PNPLA6: variants seen among roughly 807,000 people sequenced by gnomAD.
The protein encoded by PNPLA6 is patatin-like phospholipase domain-containing protein 6.
PNPLA6 carries 105 observed loss-of-function variants against 153.7 expected under a neutral mutation model. That is an observed-to-expected ratio of 0.68 (90% CI 0.58 to 0.80). The LOEUF is 0.80. Ranked by LOEUF, PNPLA6 falls within the 30% of genes least tolerant of loss-of-function variation. The pLI is 0.00. For synonymous variants in PNPLA6, 825 were observed against 822.2 expected (o/e 1.00, Z -0.06); for missense variants, 1,423 against 1,919.3 (o/e 0.74, Z 4.83).
chr19:7,554,371 C>A, intron 20 of PNPLA6, 99 bp downstream of exon 20: 2 of 1,303,270 alleles, frequency 1.5e-6, no homozygotes, highest in Non-Finnish European at 2.2e-6. Context: ...AACCACGGAG[C>A]CTGCGTCTTA....
At chr19:7,554,126 C>T (rs900366960) in intron 19 of PNPLA6, 83 bp from the exon 20 acceptor site, 209 of 1,563,276 alleles carry the variant, frequency 1.3e-4, no homozygotes, top group Non-Finnish European at 1.8e-4. Flanking sequence ...GCCACAGGGG[C>T]GGGGTAATGG....
intron 13 of PNPLA6, among the ~76,000 whole-genome samples, chr19:7,548,691 T>G (rs1441703728): frequency 7.1e-6 from 1 of 140,850 alleles, no homozygotes; most frequent in African/African-American, 2.6e-5. Context: ...GGTTGAATCC[T>G]GGGTATATGG....
chr19:7,537,132 G>T (rs963876540), intron 3 of PNPLA6, among the ~76,000 whole-genome samples: 2 of 152,036 alleles, frequency 1.3e-5, no homozygotes, highest in Non-Finnish European at 2.9e-5. Context: ...TATCTCAGAG[G>T]TCTTGCCATA....
chr19:7,542,271 A>T (rs999911774), intron 10 of PNPLA6, among the ~76,000 whole-genome samples: 9 of 152,200 alleles, frequency 5.9e-5, no homozygotes, highest in Non-Finnish European at 1.2e-4. Context: ...GGCGTTGATT[A>T]GTCATGTCTG....
chr19:7,542,547 C>T lies in PNPLA6; in HGVS notation c.1253-14C>T, dbSNP rs753882799. 2 of 1,601,164 alleles carry T rather than the reference C, an allele frequency of 1.2e-6. No homozygotes were observed. Among genetic ancestry groups the T allele is most frequent in the South Asian group, 2.2e-5 (2 of 90,854 alleles). ...CATCTTTATGGTTTTTGTTGCCCCC[C>T]TGCCTGCCTGCAGGCTTGCAGGGTG... On this transcript the variant is annotated splice_polypyrimidine_tract_variant and intron_variant, in intron 10 of 31. Transcript: ENST00000600737.
chr19:7,553,193 G>T (rs2023730240), intron 18 of PNPLA6, among the ~76,000 whole-genome samples: 1 of 150,548 alleles, frequency 6.6e-6, no homozygotes, highest in African/African-American at 2.4e-5. Flanking sequence ...GCTGTTAGTG[G>T]AGAAACTGGG....
intron 13 of PNPLA6, 47 bp from the exon 14 acceptor site, chr19:7,549,860 T>C: frequency 1.9e-6 from 3 of 1,571,130 alleles, no homozygotes; most frequent in Non-Finnish European, 2.6e-6. Context: ...TGAGCTGGGG[T>C]CCACGCTGTC....
chr19:7,556,666 G>A lies in PNPLA6; in HGVS notation c.3222G>A (p.Leu1074=). 6.2e-7 allele frequency: 1 copy of A among 1,613,532 alleles called. No individual in the cohort carries two copies. The highest frequency in any genetic ancestry group is 8.5e-7 in the Non-Finnish European group (1 of 1,179,606). ...CCCTGTCCCCGCAGGACCTGTGGCT[G>A]CCTTACTTCAACGTGACCACAGATA... ...FQDKQIEDLW[L]PYFNVTTDIT... Residue 1074 remains leucine (L), a synonymous_variant, in exon 26 of 32, where the codon CTG becomes CTA. Coordinates refer to ENST00000600737, the MANE Select transcript of PNPLA6 (RefSeq NM_001166114.2).
rs1301687230 is a variant in PNPLA6 at position 7,550,115 on chromosome 19, A to G, written c.1814+3A>G. On this transcript the variant is annotated splice_donor_region_variant and intron_variant, in intron 14 of 31. Transcript: ENST00000600737. ...ATCTCCAAGTCCGACTTCTATGAGTATGACAGCCCGAAGTTGGAGTGTGGG... is the reference window on the plus strand; with the variant it reads ...ATCTCCAAGTCCGACTTCTATGAGTGTGACAGCCCGAAGTTGGAGTGTGGG... 1 of 1,613,854 alleles carries G rather than the reference A, an allele frequency of 6.2e-7. No homozygotes were observed. The highest frequency in any genetic ancestry group is 2.2e-5 in the East Asian group (1 of 44,900).
intron 13 of PNPLA6, 90 bp downstream of exon 13, chr19:7,543,174 A>T: frequency 9.1e-7 from 1 of 1,103,176 alleles, no homozygotes; most frequent in Non-Finnish European, 1.4e-6. Flanking sequence ...TGACTGTAAG[A>T]CCAGCACCTT....
chr19:7,540,420 G>A lies in PNPLA6; in HGVS notation c.714+112G>A. On this transcript the variant is annotated intron_variant, in intron 5 of 31. Coordinates refer to ENST00000600737, the MANE Select transcript of PNPLA6 (RefSeq NM_001166114.2). The surrounding 1 kb of genome is among the most constrained non-coding windows in gnomAD (Gnocchi z 6.8). ...GGAGATGCGTCATCGGGAGTCAGGG[G>A]AACGGGTGACCGAGGACATTTGGGG... 1 of 1,273,400 alleles carries A rather than the reference G, an allele frequency of 7.9e-7. No individual in the cohort carries two copies. The allele number at this position is 1,273,400 out of a possible 1,614,324, so 78.9% of individuals were successfully genotyped here. A position where few individuals can be genotyped will look rare whatever the true frequency, so the allele number is the denominator to read the frequency against.
chr19:7,555,130 G>C lies in PNPLA6; in HGVS notation c.2817+55G>C, dbSNP rs1007230890. On this transcript the variant is annotated intron_variant, in intron 22 of 31. Coordinates refer to ENST00000600737, the MANE Select transcript of PNPLA6 (RefSeq NM_001166114.2). This position sits in a 1 kb window ranked among gnomAD's most constrained non-coding sequence, Gnocchi z 6.3. ...GGGGCGTGGCTGGTGGGCGAGGCTTGGGAGACTGGGGCGGGGCCTGGGAGG... is the reference window on the plus strand; with the variant it reads ...GGGGCGTGGCTGGTGGGCGAGGCTTCGGAGACTGGGGCGGGGCCTGGGAGG... 14 of 1,563,896 alleles carry C rather than the reference G, an allele frequency of 9.0e-6. No individual in the cohort carries two copies. The highest frequency in any genetic ancestry group is 7.8e-6 in the Non-Finnish European group (9 of 1,160,010).
Position 7,555,664 on chromosome 19 carries a change from C to T in PNPLA6, c.2994C>T (p.Asp998=). 6.2e-7 allele frequency: 1 copy of T among 1,613,306 alleles called. No homozygotes were observed. The highest frequency in any genetic ancestry group is 8.5e-7 in the Non-Finnish European group (1 of 1,179,838). Residue 998 remains aspartate, a synonymous_variant, in exon 24 of 32, where the codon GAC becomes GAT. Transcript: ENST00000600737. This position sits in a 1 kb window ranked among gnomAD's most constrained non-coding sequence, Gnocchi z 6.3. ...KALEEAGVPV[D]LVGGTSIGSF... is the part of the protein sequence containing the mutation. ...TAGAGGAGGCGGGGGTCCCCGTGGA[C>T]CTGGTGGGCGGCACGTCCATTGGCT...
In PNPLA6 at chr19:7,550,794, T is replaced by A. The variant is rs979061099; in HGVS notation, c.2070+154T>A. On this transcript the variant is annotated intron_variant, in intron 16 of 31. Transcript: ENST00000600737. ...ACTCCCCGCCCAGACCTCATTTCGT[T>A]GGAAAAAGGGGATTCCGCCTGTCGT... 4 of 1,061,014 alleles carry A rather than the reference T, an allele frequency of 3.8e-6. No homozygotes were observed. In the African/African-American group the frequency reaches 7.2e-5, roughly 19 times the overall value. 65.7% of individuals were successfully genotyped at this position (1,061,014 alleles called of 1,614,324 possible).
intron 26 of PNPLA6, 79 bp downstream of exon 26, chr19:7,556,803 C>G (rs555401001): frequency 9.5e-7 from 1 of 1,052,070 alleles, no homozygotes; most frequent in African/African-American, 1.6e-5. Context: ...GGCCGCTGAG[C>G]TTCTGGGACG....
At position 7,535,924 on chromosome 19, in the gene PNPLA6, G is replaced by C; in HGVS notation, c.136G>C (p.Val46Leu). Residue 46 changes from valine to leucine, a missense_variant, in exon 1 of 32, where the codon GTC (valine) becomes CTC (leucine). By Grantham distance (32) the Val-to-Leu change is conservative. Transcript: ENST00000600737. This position sits in a 1 kb window ranked among gnomAD's most constrained non-coding sequence, Gnocchi z 5.0. ...TTGCGGTGCGCAGCCAGTGCCGTTC[G>C]TCCCTCAGGTGCTTGGCGTGATGAT... is the stretch of plus-strand genomic sequence containing the variant. ...RICGAQPVPF[V>L]PQVLGVMIGA... 6.4e-7 allele frequency: 1 copy of C among 1,574,486 alleles called. No homozygotes were observed. Among genetic ancestry groups the C allele is most frequent in the Non-Finnish European group, 8.6e-7 (1 of 1,165,916 alleles).
In PNPLA6 at chr19:7,555,565, A is replaced by T. The variant is rs756379480; in HGVS notation, c.2937-42A>T. 6.2e-7 allele frequency: 1 copy of T among 1,604,240 alleles called. No homozygotes were observed. The highest frequency in any genetic ancestry group is 8.5e-7 in the Non-Finnish European group (1 of 1,174,884). On this transcript the variant is annotated intron_variant, in intron 23 of 31. Coordinates refer to ENST00000600737, the MANE Select transcript of PNPLA6 (RefSeq NM_001166114.2). This position sits in a 1 kb window ranked among gnomAD's most constrained non-coding sequence, Gnocchi z 6.3. Reference sequence around the variant, plus strand: ...GAGGTAGGGGCAGGGGAGTTCCTGCAGGTGGGGCCTAGCGGGTCACTGGGG... The same window carrying T: ...GAGGTAGGGGCAGGGGAGTTCCTGCTGGTGGGGCCTAGCGGGTCACTGGGG...
Position 7,554,021 on chromosome 19 carries a change from T to C in PNPLA6, c.2401+6T>C, listed in dbSNP as rs368277076. ...GCACGCCCTGCAGGCCATCGGTCAGTGGGGTGAGGGTCATGGGTGGGGGCT... is the reference window on the plus strand; with the variant it reads ...GCACGCCCTGCAGGCCATCGGTCAGCGGGGTGAGGGTCATGGGTGGGGGCT... On this transcript the variant is annotated splice_donor_region_variant and intron_variant, in intron 19 of 31. Transcript: ENST00000600737. 8.0e-7 allele frequency: 1 copy of C among 1,250,744 alleles called. No homozygotes were observed. Among genetic ancestry groups the C allele is most frequent in the African/African-American group, 2.0e-5 (1 of 49,832 alleles). The allele number at this position is 1,250,744 out of a possible 1,614,324, so 77.5% of individuals were successfully genotyped here.
chr19:7,550,254 C>A, intron 14 of PNPLA6, 44 bp from the exon 15 acceptor site: 1 of 1,612,744 alleles, frequency 6.2e-7, no homozygotes, highest in Non-Finnish European at 8.5e-7. Flanking sequence ...CGGTGTAGGA[C>A]GGTTTTGAGG....
Sources: allele counts gnomAD v4.1 joint callset (sites outside exome capture counted in the v4.1 genomes callset), GRCh38; gene constraint gnomAD v4.1.1; non-coding constraint Gnocchi (gnomAD v3.1); transcripts MANE v1.5; gene names NCBI Gene and HGNC (gene_info 2026-07-23, HGNC 2026-07-21).